RSPO2: variants seen among roughly 807,000 people sequenced by gnomAD.
RSPO2 encodes R-spondin-2.
In RSPO2, 14 loss-of-function variants were observed where a neutral mutation model predicts 30.9. The ratio of observed to expected loss-of-function variants is 0.45; its 90% CI spans 0.30 to 0.71. The LOEUF (loss-of-function observed/expected upper bound fraction) is 0.71. Ranked by LOEUF, RSPO2 falls within the 30% of genes least tolerant of loss-of-function variation. RSPO2 has a pLI of 0.08. For synonymous variants in RSPO2, 107 were observed against 96.4 expected, an observed-to-expected ratio of 1.11 and a Z score of -0.64; for missense variants, 264 against 301.9, an observed-to-expected ratio of 0.87 and a Z score of 0.93.
intron 2 of RSPO2, among the ~76,000 whole-genome samples, chr8:107,995,587 C>G (rs1032868192): frequency 6.6e-6 from 1 of 152,154 alleles, no homozygotes; most frequent in Admixed American, 6.5e-5. Flanking sequence ...ATCTCTAAAA[C>G]TGCTTTTATG....
At chr8:107,979,007 C>T (rs1045869974) in intron 3 of RSPO2, among the ~76,000 whole-genome samples, 58 of 152,200 alleles carry the variant, frequency 3.8e-4, no homozygotes, top group African/African-American at 1.2e-3. Flanking sequence ...GTTAGAATGG[C>T]AATCATTAAA....
chr8:107,921,277 TACACAC>T (rs71308759), intron 5 of RSPO2, among the ~76,000 whole-genome samples: 73,939 of 148,674 alleles, frequency 0.5, 20,016 homozygotes, highest in East Asian at 0.73. Context: ...TAGCAGATTT[TACACAC>T]ACACACACAC....
chr8:107,930,240 T>G (rs671187), intron 5 of RSPO2, among the ~76,000 whole-genome samples: 101,430 of 152,068 alleles, frequency 0.67, 35,759 homozygotes, highest in East Asian at 0.9. Context: ...AATCGCAAAG[T>G]TCACAGAGGT....
In RSPO2 at chr8:107,948,160, A is replaced by G. The variant is rs146484908; in HGVS notation, c.616+9920T>C. ...AATTAAGCTTTGCCTTTTATCTTTA[A>G]TGTGCATTTTCTTATTCCGTAACCT... is the stretch of plus-strand genomic sequence containing the variant. On this transcript the variant is annotated intron_variant, in intron 5 of 5. Transcript: ENST00000276659. 3.3e-5 allele frequency among the ~76,000 whole-genome samples: 5 copies of G among 152,316 alleles called. No individual in the cohort carries two copies. In the East Asian group the frequency reaches 9.7e-4, roughly 29 times the overall value.
At chr8:107,959,932 C>T (rs1813567275) in intron 4 of RSPO2, among the ~76,000 whole-genome samples, 1 of 152,096 alleles carries the variant, frequency 6.6e-6, no homozygotes, top group African/African-American at 2.4e-5. Context: ...AAGTCTAATA[C>T]ATAGCTGTGT....
intron 5 of RSPO2, among the ~76,000 whole-genome samples, chr8:107,938,969 A>C (rs1034291532): frequency 6.6e-6 from 1 of 152,194 alleles, no homozygotes; most frequent in African/African-American, 2.4e-5. Flanking sequence ...GAATAGTAGG[A>C]ATCAAAATAA....
chr8:107,899,683 T>C lies in RSPO2; in HGVS notation c.*1392A>G, dbSNP rs1437365797. 6.6e-6 allele frequency: 1 copy of C among 152,554 alleles called. No individual in the cohort carries two copies. Among genetic ancestry groups the C allele is most frequent in the East Asian group, 1.9e-4 (1 of 5,202 alleles). 9.5% of individuals were successfully genotyped at this position (152,554 alleles called of 1,614,324 possible). A position where few individuals can be genotyped will look rare whatever the true frequency, so the allele number is the denominator to read the frequency against. ...TCAAAATCCACAACCATTATTTTTCTGTTCTAATTTTCTCCTGGATCAGCC... is the reference window on the plus strand; with the variant it reads ...TCAAAATCCACAACCATTATTTTTCCGTTCTAATTTTCTCCTGGATCAGCC... On this transcript the variant is annotated 3_prime_UTR_variant, in exon 6 of 6. Transcript: ENST00000276659.
intron 2 of RSPO2, among the ~76,000 whole-genome samples, chr8:108,025,653 A>G (rs1811194550): frequency 6.6e-6 from 1 of 151,884 alleles, no homozygotes; most frequent in Non-Finnish European, 1.5e-5. Context: ...AGCCTCCCAC[A>G]TAGCTGAGAC....
chr8:108,047,044 G>A (rs921061732), intron 2 of RSPO2, among the ~76,000 whole-genome samples: 3 of 152,166 alleles, frequency 2.0e-5, no homozygotes, highest in Non-Finnish European at 2.9e-5. Context: ...TGAGTCAGAA[G>A]CAGAAAGTAG....
At chr8:107,956,481 G>A (rs1307446772) in intron 5 of RSPO2, among the ~76,000 whole-genome samples, 2 of 152,166 alleles carry the variant, frequency 1.3e-5, no homozygotes, top group African/African-American at 2.4e-5. Context: ...AACTAAGACA[G>A]TATGTTGTTG....
chr8:108,047,906 A>G (rs972826948), intron 2 of RSPO2, among the ~76,000 whole-genome samples: 2 of 151,782 alleles, frequency 1.3e-5, no homozygotes, highest in African/African-American at 4.8e-5. Flanking sequence ...CTGTGTCTAT[A>G]ATATTCATTC....
chr8:108,017,025 C>CT (rs922588654), intron 2 of RSPO2, among the ~76,000 whole-genome samples: 29 of 145,174 alleles, frequency 2.0e-4, no homozygotes, highest in Non-Finnish European at 2.9e-4. Context: ...TTTTTTTTTT[C>CT]TTTTTTTTTG....
In RSPO2 at chr8:108,082,038, A is replaced by G. The variant is rs765130583; in HGVS notation, c.94+507T>C. The G allele has an allele frequency of 2.0e-4, 74 of 368,584 alleles. 1 individual carries two copies. The highest frequency in any genetic ancestry group is 2.7e-4 in the Non-Finnish European group (71 of 266,116). The allele number at this position is 368,584 out of a possible 1,614,324, so 22.8% of individuals were successfully genotyped here. The stretch of plus-strand genomic sequence containing the variant: ...CTCCCAAGCTCCGGAATACAGACAC[A>G]CGCTTGGGTACACCCACACACCACA... On this transcript the variant is annotated intron_variant, in intron 2 of 5. Transcript: ENST00000276659.
Position 108,072,328 on chromosome 8 carries a change from T to TC in RSPO2, c.94+10216_94+10217insG, listed in dbSNP as rs1488610275. Reference sequence around the variant, plus strand: ...ATGAGATGGCAGAGAACTTTTTTTTTTTTTTTTTTTTTTTTGAGACAGAGT... The same window carrying TC: ...ATGAGATGGCAGAGAACTTTTTTTTTCTTTTTTTTTTTTTTTGAGACAGAGT... On this transcript the variant is annotated intron_variant, in intron 2 of 5. Coordinates refer to ENST00000276659, the MANE Select transcript of RSPO2 (RefSeq NM_178565.5). Among the ~76,000 whole-genome samples the TC allele has an allele frequency of 3.9e-4, 52 of 132,746 alleles. No homozygotes were observed. The East Asian group carries it at 0.011, about 28-fold the overall frequency. The allele number at this position is 132,746 out of a possible 152,430, so 87.1% of individuals were successfully genotyped here. A position where few individuals can be genotyped will look rare whatever the true frequency, so the allele number is the denominator to read the frequency against.
At chr8:107,947,475 G>A (rs1337647859) in intron 5 of RSPO2, among the ~76,000 whole-genome samples, 2 of 152,158 alleles carry the variant, frequency 1.3e-5, no homozygotes, top group Non-Finnish European at 2.9e-5. Context: ...AGAATGGCCT[G>A]GCTTAGAAAG....
In RSPO2 at chr8:107,919,799, G is replaced by T. The variant is rs191649686; in HGVS notation, c.617-18609C>A. Among the ~76,000 whole-genome samples the T allele has an allele frequency of 5.3e-5, 8 of 152,110 alleles. No homozygotes were observed. In the East Asian group the frequency reaches 1.5e-3, roughly 29 times the overall value. On this transcript the variant is annotated intron_variant, in intron 5 of 5. Transcript: ENST00000276659. ...GATCCCTGAATGCTCGGGGAGACTG[G>T]TTTGAGTAATAATAAAACTCCTCTG...
At chr8:108,015,556 C>T (rs1454845045) in intron 2 of RSPO2, among the ~76,000 whole-genome samples, 8 of 152,208 alleles carry the variant, frequency 5.3e-5, no homozygotes, top group African/African-American at 1.7e-4. Flanking sequence ...AGCAAGAATC[C>T]CGCTAAGTTA....
chr8:107,989,402 C>A, intron 2 of RSPO2, 158 bp from the exon 3 acceptor site: 1 of 543,328 alleles, frequency 1.8e-6, no homozygotes, highest in South Asian at 3.0e-5. Context: ...ACCTCCTCCA[C>A]CCAAAAAGTT....
chr8:107,970,367 A>G (rs1395406467), intron 3 of RSPO2, among the ~76,000 whole-genome samples: 3 of 152,208 alleles, frequency 2.0e-5, no homozygotes, highest in African/African-American at 2.4e-5. Context: ...TAACAAAAAG[A>G]TAGCAGTCCA....
Sources: gnomAD v4.1 joint callset for allele counts (sites outside exome capture counted in the v4.1 genomes callset) on GRCh38, gnomAD v4.1.1 for gene constraint, MANE v1.5 for transcripts, NCBI Gene and HGNC (gene_info 2026-07-23, HGNC 2026-07-21) for gene names.